EPHB1: variants seen among roughly 807,000 people sequenced by gnomAD.
EPHB1 encodes ephrin type-B receptor 1.
In EPHB1, 30 loss-of-function variants were observed where a neutral mutation model predicts 94.4. The observed-to-expected ratio is 0.32, with a 90% CI of 0.24 to 0.43. The LOEUF is 0.43. Among genes scored for constraint, EPHB1 ranks in the 20% least tolerant of loss-of-function variants. The probability of loss-of-function intolerance (pLI) is 1.00; values close to 1 mark genes in which losing one functional copy is unlikely to be tolerated. For synonymous variants in EPHB1, 522 were observed against 489.1 expected, an observed-to-expected ratio of 1.07 and a Z score of -0.89; for missense variants, 1,055 against 1,308.3, an observed-to-expected ratio of 0.81 and a Z score of 2.99.
At chr3:135,047,979 A>G (rs1195103371) in intron 3 of EPHB1, among the ~76,000 whole-genome samples, 1 of 152,192 alleles carries the variant, frequency 6.6e-6, no homozygotes, top group Admixed American at 6.5e-5. Context: ...AAAGATGGAC[A>G]TTTGTGGGTT....
intron 1 of EPHB1, among the ~76,000 whole-genome samples, chr3:134,835,257 T>C (rs1054925368): frequency 3.3e-5 from 5 of 152,202 alleles, no homozygotes; most frequent in Admixed American, 6.5e-5. Context: ...TGGTGGAAAC[T>C]CCAGAGAAAC....
chr3:135,097,058 T>C (rs528777080), intron 3 of EPHB1, among the ~76,000 whole-genome samples: 1 of 133,230 alleles, frequency 7.5e-6, no homozygotes, highest in Non-Finnish European at 1.5e-5. Context: ...ATCATGCCAC[T>C]GCACTCCAGC....
Position 135,249,393 on chromosome 3 carries a change from G to T in EPHB1, c.2748G>T (p.Val916=). The T allele has an allele frequency of 6.2e-7, 1 of 1,613,986 alleles. No individual in the cohort carries two copies. The highest frequency in any genetic ancestry group is 1.3e-5 in the African/African-American group (1 of 75,056). ...CAGACTTCACGGCCTTTACCACCGT[G>T]GATGACTGGCTCAGCGCCATCAAAA... is the stretch of plus-strand genomic sequence containing the variant. ...SIPDFTAFTT[V]DDWLSAIKMV... is the part of the protein sequence containing the mutation. The change falls in exon 15 of 16, where the codon GTG becomes GTT. Residue 916 remains valine, a synonymous_variant. Coordinates refer to ENST00000398015, the MANE Select transcript of EPHB1 (RefSeq NM_004441.5).
rs139814267 is a variant in EPHB1 at position 134,813,095 on chromosome 3, A to T, written c.58+17406A>T. 1.4e-3 allele frequency among the ~76,000 whole-genome samples: 212 copies of T among 152,286 alleles called. 1 individual carries two copies. The highest frequency in any genetic ancestry group is 2.6e-3 in the Non-Finnish European group (175 of 68,024). ...GGTCTCATTCCTGGAAGTGGGGAAG[A>T]GTGGGCCATGATCTTCTCAACATGG... On this transcript the variant is annotated intron_variant, in intron 1 of 15. Transcript: ENST00000398015.
chr3:134,954,663 C>T (rs549296538), intron 3 of EPHB1, among the ~76,000 whole-genome samples: 2 of 152,198 alleles, frequency 1.3e-5, no homozygotes, highest in Non-Finnish European at 2.9e-5. Context: ...ATCTTTTCTG[C>T]ATATGTGAAA....
intron 4 of EPHB1, among the ~76,000 whole-genome samples, chr3:135,113,995 C>T (rs929608373): frequency 2.6e-5 from 4 of 152,122 alleles, no homozygotes; most frequent in Admixed American, 1.3e-4. Flanking sequence ...GATATTGCAA[C>T]CTTGTGTTCA....
intron 3 of EPHB1, among the ~76,000 whole-genome samples, chr3:134,954,142 C>T (rs1933146405): frequency 6.6e-6 from 1 of 152,226 alleles, no homozygotes; most frequent in African/African-American, 2.4e-5. Flanking sequence ...GGCCCAGCAT[C>T]CTGGCTGAAC....
At chr3:134,887,899 T>C (rs2037891005) in intron 1 of EPHB1, among the ~76,000 whole-genome samples, 1 of 152,196 alleles carries the variant, frequency 6.6e-6, no homozygotes, top group South Asian at 2.1e-4. Flanking sequence ...TTCAGGGACC[T>C]TCCAGCCTGG....
At chr3:134,820,950 C>G (rs529545771) in intron 1 of EPHB1, among the ~76,000 whole-genome samples, 9 of 152,252 alleles carry the variant, frequency 5.9e-5, no homozygotes, top group Non-Finnish European at 1.2e-4. Flanking sequence ...GCAGGCAAGT[C>G]TCAGGATCTA....
chr3:134,889,760 C>G (rs1275940452), intron 1 of EPHB1, among the ~76,000 whole-genome samples: 1 of 151,778 alleles, frequency 6.6e-6, no homozygotes, highest in Non-Finnish European at 1.5e-5. Flanking sequence ...TTGCTGCAAG[C>G]GCCGCCTTCC....
At chr3:134,987,228 G>A (rs1021854405) in intron 3 of EPHB1, among the ~76,000 whole-genome samples, 1 of 152,086 alleles carries the variant, frequency 6.6e-6, no homozygotes, top group African/African-American at 2.4e-5. Context: ...AGTATATTGC[G>A]TGCGTTAATT....
chr3:135,025,279 T>G (rs1936120772), intron 3 of EPHB1, among the ~76,000 whole-genome samples: 2 of 137,644 alleles, frequency 1.5e-5, no homozygotes, highest in African/African-American at 5.2e-5. Context: ...GTTACATACG[T>G]ATACATGTGC....
chr3:135,029,281 C>T (rs9681301), intron 3 of EPHB1, among the ~76,000 whole-genome samples: 43 of 151,260 alleles, frequency 2.8e-4, no homozygotes, highest in African/African-American at 7.8e-4. Flanking sequence ...GTTAGCTGGT[C>T]ATTTTGCTCG....
intron 6 of EPHB1, among the ~76,000 whole-genome samples, chr3:135,158,887 C>T (rs1941431633): frequency 6.6e-6 from 1 of 152,198 alleles, no homozygotes; most frequent in Admixed American, 6.5e-5. Flanking sequence ...CTAGGACTGG[C>T]TGGTTTAGGC....
In EPHB1 at chr3:135,014,910, C is replaced by T. The variant is rs558654009; in HGVS notation, c.805+62858C>T. On this transcript the variant is annotated intron_variant, in intron 3 of 15. Coordinates refer to ENST00000398015, the MANE Select transcript of EPHB1 (RefSeq NM_004441.5). ...GTTTTTGCTTTCTGGTTTTACTTTC[C>T]TTTCTTCTTATTTAATAGACCTCAA... is the stretch of plus-strand genomic sequence containing the variant. Among the ~76,000 whole-genome samples, 18 of 152,248 alleles carry T rather than the reference C, an allele frequency of 1.2e-4. No individual in the cohort carries two copies. The Middle Eastern group carries it at 0.01, about 86-fold the overall frequency.
intron 1 of EPHB1, among the ~76,000 whole-genome samples, chr3:134,847,037 G>A (rs553775666): frequency 4.6e-5 from 7 of 152,168 alleles, no homozygotes; most frequent in African/African-American, 9.6e-5. Flanking sequence ...CCTAAGTGTC[G>A]TCAACTTTGG....
At chr3:134,845,106 T>C (rs907431947) in intron 1 of EPHB1, among the ~76,000 whole-genome samples, 2 of 152,246 alleles carry the variant, frequency 1.3e-5, no homozygotes, top group Non-Finnish European at 2.9e-5. Flanking sequence ...GGATACTGGA[T>C]GTGGAGTATT....
chr3:135,069,430 T>G (rs1414079610), intron 3 of EPHB1, among the ~76,000 whole-genome samples: 47 of 152,106 alleles, frequency 3.1e-4, no homozygotes, highest in Admixed American at 3.1e-3. Flanking sequence ...GAAGACAGTT[T>G]GGAACAAGAC....
chr3:134,817,493 T>C (rs1426046251), intron 1 of EPHB1, among the ~76,000 whole-genome samples: 1 of 152,204 alleles, frequency 6.6e-6, no homozygotes, highest in African/African-American at 2.4e-5. Context: ...CTGTAGTTTC[T>C]GTCCCCACCG....
Sources: gnomAD v4.1 joint callset for allele counts (sites outside exome capture counted in the v4.1 genomes callset) on GRCh38, gnomAD v4.1.1 for gene constraint, MANE v1.5 for transcripts, NCBI Gene and HGNC (gene_info 2026-07-23, HGNC 2026-07-21) for gene names.